Variants in COQ3 observed in about 807,000 individuals in gnomAD.
COQ3 encodes coenzyme Q3, methyltransferase.
A neutral mutation model predicts 33.1 loss-of-function variants in COQ3; 29 were observed. That is an observed-to-expected ratio of 0.88 (90% confidence interval 0.65 to 1.19). The LOEUF (loss-of-function observed/expected upper bound fraction) is 1.19. Ranked by LOEUF, COQ3 falls within the 50% of genes most tolerant of loss-of-function variation. The probability of loss-of-function intolerance (pLI) is 0.00; values close to 1 mark genes in which losing one functional copy is unlikely to be tolerated. For synonymous variants in COQ3, 173 were observed against 157.8 expected, an observed-to-expected ratio of 1.10 and a Z score of -0.72; for missense variants, 437 against 430.7, an observed-to-expected ratio of 1.01 and a Z score of -0.13.
intron 5 of COQ3, among the ~76,000 whole-genome samples, chr6:99,372,764 T>C (rs1342602914): frequency 1.3e-5 from 2 of 152,178 alleles, no homozygotes; most frequent in African/African-American, 4.8e-5. Flanking sequence ...ACCTATATTG[T>C]CTCACAAATG....
intron 1 of COQ3, among the ~76,000 whole-genome samples, chr6:99,386,535 A>C (rs1774659629): frequency 6.6e-6 from 1 of 152,226 alleles, no homozygotes; most frequent in South Asian, 2.1e-4. Context: ...TCACCGCAAA[A>C]ATCAATAAAA....
chr6:99,376,822 G>C (rs1177848767), intron 4 of COQ3, among the ~76,000 whole-genome samples: 1 of 151,860 alleles, frequency 6.6e-6, no homozygotes, highest in Admixed American at 6.6e-5. Context: ...AATTAGCTGG[G>C]CATGGTGGCG....
chr6:99,392,492 G>C lies in COQ3; in HGVS notation c.106+1582C>G, dbSNP rs147678795. Among the ~76,000 whole-genome samples the C allele has an allele frequency of 3.9e-5, 6 of 152,238 alleles. No individual in the cohort carries two copies. In the East Asian group the frequency reaches 9.6e-4, roughly 24 times the overall value. ...TCATGAATGTGTCATGGCCAAAAAG[G>C]CCTCTTCCTCATCCCTTGCCACCCC... On this transcript the variant is annotated intron_variant, in intron 1 of 6. Transcript: ENST00000254759.
At chr6:99,384,731 T>C (rs1774569201) in intron 1 of COQ3, among the ~76,000 whole-genome samples, 1 of 152,092 alleles carries the variant, frequency 6.6e-6, no homozygotes, top group South Asian at 2.1e-4. Context: ...AAGTAGACTT[T>C]AGAGCAAAGA....
chr6:99,374,130 A>AT lies in COQ3; in HGVS notation c.729+1809_729+1810insA, dbSNP rs1389055060. ...CAGCAAACTGACATTAGCAAAAAAA[A>AT]AAAAAAAAAAAAATTAATAAAATTT... On this transcript the variant is annotated intron_variant, in intron 5 of 6. Transcript: ENST00000254759. Among the ~76,000 whole-genome samples the AT allele has an allele frequency of 7.0e-4, 105 of 149,266 alleles. 2 individuals are homozygous for AT. The Middle Eastern group carries it at 0.01, about 15-fold the overall frequency.
At chr6:99,369,950 AAAGGATTCCTAACTT>A in intron 6 of COQ3, 130 bp from the exon 7 acceptor site, 1 of 638,804 alleles carries the variant, frequency 1.6e-6, no homozygotes, top group South Asian at 2.0e-5. Context: ...GAAGAAAAAA[AAAGGATTCCTAACTT>A]AATGGGCAAG....
Position 99,369,542 on chromosome 6 carries a change from T to A in COQ3, c.*58A>T. On this transcript the variant is annotated 3_prime_UTR_variant, in exon 7 of 7. Transcript: ENST00000254759. ...CTCTCTCAAAGGATAAATTGTACAT[T>A]TTTGTATTTGAAAACATCAGATATC... 8.6e-7 allele frequency: 1 copy of A among 1,164,260 alleles called. No individual in the cohort carries two copies. The highest frequency in any genetic ancestry group is 1.2e-6 in the Non-Finnish European group (1 of 832,982). 72.1% of individuals were successfully genotyped at this position (1,164,260 alleles called of 1,614,324 possible).
At chr6:99,390,885 A>T (rs564240587) in intron 1 of COQ3, among the ~76,000 whole-genome samples, 1 of 152,190 alleles carries the variant, frequency 6.6e-6, no homozygotes, top group African/African-American at 2.4e-5. Context: ...ATCATGAATG[A>T]GGTTAAGCAT....
intron 5 of COQ3, among the ~76,000 whole-genome samples, chr6:99,374,144 T>TAAAAAAA (rs1562202103): frequency 2.1e-5 from 3 of 144,528 alleles, no homozygotes; most frequent in East Asian, 2.1e-4. Flanking sequence ...AAAAAAAAAA[T>TAAAAAAA]TAATAAAATT....
intron 1 of COQ3, among the ~76,000 whole-genome samples, chr6:99,384,562 A>G (rs1360113800): frequency 3.3e-5 from 5 of 152,232 alleles, no homozygotes; most frequent in Non-Finnish European, 7.3e-5. Context: ...ATTTTTGCAT[A>G]TGCTCAATAC....
chr6:99,380,404 ATAT>A, intron 2 of COQ3, 63 bp from the exon 3 acceptor site: 1 of 1,498,690 alleles, frequency 6.7e-7, no homozygotes. Flanking sequence ...TTAACATGGG[ATAT>A]TATGTAGAAA....
chr6:99,378,151 TATATATTTAGAG>T (rs1488716795), intron 3 of COQ3, among the ~76,000 whole-genome samples: 5 of 35,422 alleles, frequency 1.4e-4, no homozygotes, highest in Admixed American at 2.5e-4. Context: ...TATATATATA[TATATATTTAGAG>T]AGAGAGAGAG....
chr6:99,378,677 G>A (rs9376108), intron 3 of COQ3, among the ~76,000 whole-genome samples: 44,648 of 151,976 alleles, frequency 0.29, 6,754 homozygotes, highest in East Asian at 0.46. Context: ...GTGAACTAAT[G>A]TCACTGTCCA....
intron 1 of COQ3, among the ~76,000 whole-genome samples, chr6:99,388,761 T>C (rs896111658): frequency 6.6e-6 from 1 of 151,980 alleles, no homozygotes; most frequent in Non-Finnish European, 1.5e-5. Context: ...GGCAGGAGAA[T>C]TGTTTGAACC....
intron 1 of COQ3, among the ~76,000 whole-genome samples, chr6:99,390,205 A>G (rs574472545): frequency 3.5e-4 from 54 of 152,356 alleles, no homozygotes; most frequent in African/African-American, 1.2e-3. Flanking sequence ...GAATGATGTC[A>G]AAGGGTACGT....
chr6:99,386,625 G>C (rs1774661286), intron 1 of COQ3, among the ~76,000 whole-genome samples: 1 of 152,090 alleles, frequency 6.6e-6, no homozygotes, highest in African/African-American at 2.4e-5. Flanking sequence ...TATCACTATA[G>C]CTCTGATAGA....
Position 99,383,739 on chromosome 6 carries a change from G to A in COQ3, c.192C>T (p.Tyr64=). The A allele has an allele frequency of 2.5e-6, 4 of 1,605,750 alleles. No homozygotes were observed. Among genetic ancestry groups the A allele is most frequent in the Non-Finnish European group, 3.4e-6 (4 of 1,176,846 alleles). The change falls in exon 2 of 7, where the codon TAC becomes TAT. Residue 64 remains tyrosine (Y), a synonymous_variant. Coordinates refer to ENST00000254759, the MANE Select transcript of COQ3 (RefSeq NM_017421.4). ...TGTTCAAACAGGAAAAGATCGTCCT[G>A]TAGGATTTGAACCATATGGTTCTGT... is the stretch of plus-strand genomic sequence containing the variant. ...NEYRTIWFKS[Y]RTIFSCLNRI...
At chr6:99,389,442 C>G (rs1220965626) in intron 1 of COQ3, among the ~76,000 whole-genome samples, 1 of 151,914 alleles carries the variant, frequency 6.6e-6, no homozygotes, top group East Asian at 1.9e-4. Flanking sequence ...GCTATTTTTG[C>G]CACTTCTTGT....
chr6:99,376,892 G>C (rs1469677637), intron 4 of COQ3, among the ~76,000 whole-genome samples: 1 of 151,782 alleles, frequency 6.6e-6, no homozygotes, highest in Non-Finnish European at 1.5e-5. Flanking sequence ...GAACCTGGGT[G>C]TTGGAGGTTG....
Sources: allele counts gnomAD v4.1 joint callset (sites outside exome capture counted in the v4.1 genomes callset), GRCh38; gene constraint gnomAD v4.1.1; transcripts MANE v1.5; gene names NCBI Gene and HGNC (gene_info 2026-07-23, HGNC 2026-07-21).